Variants in KRT23 observed in about 807,000 individuals in gnomAD.
KRT23 encodes keratin 23, also known as keratin, type I cytoskeletal 23.
In KRT23, 38 loss-of-function variants were observed where a neutral mutation model predicts 47.6. That is an observed-to-expected ratio of 0.80 (90% CI 0.62 to 1.05). KRT23 has a LOEUF of 1.05. KRT23 is among the 50% of genes least tolerant of loss of function. KRT23 has a pLI of 0.00. For synonymous variants in KRT23, 191 were observed against 199.0 expected, an observed-to-expected ratio of 0.96 and a Z score of 0.34; for missense variants, 503 against 529.5, an observed-to-expected ratio of 0.95 and a Z score of 0.49.
rs148131200 is a variant in KRT23 at position 40,936,332 on chromosome 17, C to T, written c.272G>A (p.Arg91His). ...DRLASYLEKV[R>H]ALEEANMKLE... is the part of the protein sequence containing the mutation. ...CTTCATGTTGGCCTCCTCCAGGGCG[C>T]GAACCTTCTCCAGGTAGGAGGCCAG... Residue 91 changes from arginine to histidine, a missense_variant, in exon 2 of 9, where the codon CGC (arginine) becomes CAC (histidine). Transcript: ENST00000209718. 4.1e-4 allele frequency: 657 copies of T among 1,614,216 alleles called. 1 individual carries two copies. The highest frequency in any genetic ancestry group is 2.6e-3 in the Middle Eastern group (16 of 6,058).
chr17:40,936,868 C>T lies in KRT23; in HGVS notation c.-265G>A. The stretch of plus-strand genomic sequence containing the variant: ...TGCTTCCTCCCTTCCCCTGGTAACC[C>T]GGAGGTGTGGCCCACGACATCAGGC... On this transcript the variant is annotated 5_prime_UTR_variant, in exon 2 of 9. Transcript: ENST00000209718. 2.6e-6 allele frequency: 1 copy of T among 386,868 alleles called. No homozygotes were observed. The highest frequency in any genetic ancestry group is 4.6e-6 in the Non-Finnish European group (1 of 218,994). 24.0% of individuals were successfully genotyped at this position (386,868 alleles called of 1,614,324 possible).
At chr17:40,930,195 G>A in intron 3 of KRT23, 99 bp from the exon 4 acceptor site, 1 of 1,139,872 alleles carries the variant, frequency 8.8e-7, no homozygotes, top group South Asian at 1.5e-5. Flanking sequence ...TACTTTTTAG[G>A]TTTAAAGAGA....
intron 2 of KRT23, among the ~76,000 whole-genome samples, chr17:40,932,657 C>A (rs1333967135): frequency 6.6e-6 from 1 of 152,200 alleles, no homozygotes; most frequent in African/African-American, 2.4e-5. Context: ...TAGTTGGAGT[C>A]AGAGAATCCT....
chr17:40,925,113 G>T lies in KRT23; in HGVS notation c.1142+241C>A, dbSNP rs920614680. ...CACAGTGGCCAAATCCTTTTGAATT[G>T]TTTCCTTCTAGAGACTTTAACTCTT... On this transcript the variant is annotated intron_variant, in intron 7 of 8. Transcript: ENST00000209718. 6 of 526,146 alleles carry T rather than the reference G, an allele frequency of 1.1e-5. No individual in the cohort carries two copies. The South Asian group carries it at 1.7e-4, about 15-fold the overall frequency. 32.6% of individuals were successfully genotyped at this position (526,146 alleles called of 1,614,324 possible).
chr17:40,931,057 C>T (rs1321182428), intron 3 of KRT23, among the ~76,000 whole-genome samples: 1 of 136,270 alleles, frequency 7.3e-6, no homozygotes, highest in Non-Finnish European at 1.5e-5. Flanking sequence ...TGTTGCCAGG[C>T]TGGAGTGTTA....
At position 40,928,130 on chromosome 17, in the gene KRT23, G is replaced by T. The variant is rs893458885; in HGVS notation, c.921+108C>A. On this transcript the variant is annotated intron_variant, in intron 6 of 8. Transcript: ENST00000209718. ...AAACAATTTGGATGGAAAGTGGAAA[G>T]TGAGAGTTGTCCCAAGGGAGTTGAG... 4.4e-6 allele frequency: 6 copies of T among 1,374,498 alleles called. No individual in the cohort carries two copies. In the African/African-American group the frequency reaches 8.6e-5, roughly 20 times the overall value. 85.1% of individuals were successfully genotyped at this position (1,374,498 alleles called of 1,614,324 possible).
chr17:40,934,576 A>G (rs1909920072), intron 2 of KRT23, among the ~76,000 whole-genome samples: 1 of 152,192 alleles, frequency 6.6e-6, no homozygotes, highest in African/African-American at 2.4e-5. Flanking sequence ...GAAGTATGTG[A>G]TGTGTGGTTA....
intron 6 of KRT23, among the ~76,000 whole-genome samples, chr17:40,927,838 A>T (rs1439009785): frequency 6.6e-6 from 1 of 152,170 alleles, no homozygotes; most frequent in Non-Finnish European, 1.5e-5. Flanking sequence ...GAGGGCACTG[A>T]TAGAAATTAT....
rs749152826 is a variant in KRT23 at position 40,925,510 on chromosome 17, A to C, written c.986T>G (p.Met329Arg). ...QSRYSCKLQD[M>R]QEIISHYEEE... is the part of the protein sequence containing the mutation. ...CTCATAGTGGGAGATGATCTCTTGC[A>C]TGTCCTGGAGCTTGCAGGAGTACCG... is the stretch of plus-strand genomic sequence containing the variant. The change falls in exon 7 of 9, where the codon ATG becomes AGG. Residue 329 changes from methionine to arginine, a missense_variant. Physicochemically the swap from Met to Arg is moderately conservative, Grantham distance 91. Transcript: ENST00000209718. The C allele has an allele frequency of 2.5e-6, 4 of 1,614,182 alleles. No individual in the cohort carries two copies. The South Asian group carries it at 4.4e-5, about 18-fold the overall frequency.
chr17:40,935,750 G>C (rs923610304), intron 2 of KRT23, among the ~76,000 whole-genome samples: 3 of 152,180 alleles, frequency 2.0e-5, no homozygotes, highest in Non-Finnish European at 4.4e-5. Flanking sequence ...GTTCAAAAAA[G>C]TTTGAGGTGG....
chr17:40,935,763 C>T, intron 2 of KRT23, among the ~76,000 whole-genome samples: 1 of 152,138 alleles, frequency 6.6e-6, no homozygotes, highest in Non-Finnish European at 1.5e-5. Context: ...TGAGGTGGAG[C>T]AGAACTGAGG....
intron 6 of KRT23, among the ~76,000 whole-genome samples, chr17:40,926,806 C>A (rs921147518): frequency 6.6e-6 from 1 of 152,130 alleles, no homozygotes; most frequent in African/African-American, 2.4e-5. Flanking sequence ...CCTCTTGAGA[C>A]CCCTCCAAGG....
rs995871680 is a variant in KRT23, at chr17:40,922,732, A to G, written c.*257T>C. The G allele has an allele frequency of 8.7e-6, 3 of 346,608 alleles. No individual in the cohort carries two copies. The highest frequency in any genetic ancestry group is 1.6e-5 in the Non-Finnish European group (3 of 191,546). 21.5% of individuals were successfully genotyped at this position (346,608 alleles called of 1,614,324 possible). On this transcript the variant is annotated 3_prime_UTR_variant, in exon 9 of 9. Coordinates refer to ENST00000209718, the MANE Select transcript of KRT23 (RefSeq NM_015515.5). ...CGGAGTTTTATTGGCTACAAAATAG[A>G]TGCAAAATGATGAGAATCTGAAGGC...
intron 2 of KRT23, among the ~76,000 whole-genome samples, chr17:40,933,194 A>T (rs1909815673): frequency 6.6e-6 from 1 of 152,146 alleles, no homozygotes; most frequent in African/African-American, 2.4e-5. Context: ...GCCTGCTCAG[A>T]CTTTTGCTGT....
Position 40,936,934 on chromosome 17 carries a change from T to G in KRT23, c.-331A>C. 1 of 298,780 alleles carries G rather than the reference T, an allele frequency of 3.3e-6. No homozygotes were observed. The highest frequency in any genetic ancestry group is 6.1e-6 in the Non-Finnish European group (1 of 163,132). 18.5% of individuals were successfully genotyped at this position (298,780 alleles called of 1,614,324 possible). On this transcript the variant is annotated 5_prime_UTR_variant, in exon 2 of 9. Coordinates refer to ENST00000209718, the MANE Select transcript of KRT23 (RefSeq NM_015515.5). ...GTATCTTTCTAATCTTGCCGTGAAG[T>G]TTTTCCATTGTTCATTTACCTGGAA...
At chr17:40,923,228 G>A in intron 8 of KRT23, 145 bp from the exon 9 acceptor site, 1 of 611,440 alleles carries the variant, frequency 1.6e-6, no homozygotes, top group Non-Finnish European at 2.9e-6. Flanking sequence ...CTCTGCTGCT[G>A]GGAAAAGGGA....
intron 2 of KRT23, among the ~76,000 whole-genome samples, chr17:40,932,977 T>G (rs1263640134): frequency 2.0e-5 from 3 of 152,222 alleles, no homozygotes; most frequent in African/African-American, 7.2e-5. Context: ...CAATAGTTAC[T>G]TCATCAAAGA....
intron 3 of KRT23, among the ~76,000 whole-genome samples, chr17:40,930,985 A>G (rs1373985178): frequency 6.8e-6 from 1 of 147,984 alleles, no homozygotes; most frequent in Non-Finnish European, 1.5e-5. Context: ...AAGATTTTAG[A>G]TGCGGGTAAT....
At chr17:40,924,646 G>T in intron 7 of KRT23, 143 bp from the exon 8 acceptor site, 1 of 681,062 alleles carries the variant, frequency 1.5e-6, no homozygotes, top group Non-Finnish European at 2.5e-6. Context: ...TAGTCTCAAG[G>T]TCATGGGTTC....
Sources: gnomAD v4.1 joint callset for allele counts (sites outside exome capture counted in the v4.1 genomes callset) on GRCh38, gnomAD v4.1.1 for gene constraint, MANE v1.5 for transcripts, NCBI Gene and HGNC (gene_info 2026-07-23, HGNC 2026-07-21) for gene names.